The following GRM5 variants were observed in gnomAD, a reference collection of about 807,000 sequenced individuals.
GRM5 encodes the protein metabotropic glutamate receptor 5.
A neutral mutation model predicts 83.1 loss-of-function variants in GRM5; 19 were observed. The ratio of observed to expected loss-of-function variants is 0.23; its 90% CI spans 0.16 to 0.34. GRM5 has a LOEUF of 0.34. GRM5 is among the 10% of genes least tolerant of loss of function. The pLI is 1.00. For synonymous variants in GRM5, 675 were observed against 633.6 expected, an observed-to-expected ratio of 1.07 and a Z score of -0.98; for missense variants, 1,160 against 1,588.3, an observed-to-expected ratio of 0.73 and a Z score of 4.58.
chr11:88,777,612 G>A (rs1942884324), intron 3 of GRM5, among the ~76,000 whole-genome samples: 1 of 152,142 alleles, frequency 6.6e-6, no homozygotes, highest in Admixed American at 6.5e-5. Flanking sequence ...CCTACAGATG[G>A]GGTTTGGTGT....
chr11:88,774,935 G>A (rs1447731807), intron 3 of GRM5, among the ~76,000 whole-genome samples: 1 of 152,156 alleles, frequency 6.6e-6, no homozygotes, highest in Admixed American at 6.5e-5. Flanking sequence ...GCCAGGCTTT[G>A]GTATCAGGAT....
At chr11:88,825,523 C>T (rs1028876754) in intron 3 of GRM5, among the ~76,000 whole-genome samples, 7 of 152,102 alleles carry the variant, frequency 4.6e-5, no homozygotes, top group Non-Finnish European at 8.8e-5. Flanking sequence ...TTTTCTATGA[C>T]TTTTATCAAG....
intron 2 of GRM5, among the ~76,000 whole-genome samples, chr11:88,939,547 C>T (rs1938015149): frequency 6.6e-6 from 1 of 151,736 alleles, no homozygotes; most frequent in African/African-American, 2.4e-5. Context: ...CTCACTTGGC[C>T]TTTTAACGAT....
Position 88,509,332 on chromosome 11 carries a change from C to A in GRM5, c.2899G>T (p.Ala967Ser), listed in dbSNP as rs901648577. 1 of 1,600,956 alleles carries A rather than the reference C, an allele frequency of 6.2e-7. No homozygotes were observed. The highest frequency in any genetic ancestry group is 1.7e-5 in the Admixed American group (1 of 58,946). ...CCCACGCCCCCAGCGCTCCCGCCTGCGCCAGCGCCAGCGCCCAGGCCACGG... is the reference window on the plus strand; with the variant it reads ...CCCACGCCCCCAGCGCTCCCGCCTGAGCCAGCGCCAGCGCCCAGGCCACGG... ...ESRGLGAGAGAGGSAGGVGAT... is the reference protein window; with the variant it reads ...ESRGLGAGAGSGGSAGGVGAT... Residue 967 changes from alanine (A) to serine (S), a missense_variant, in exon 10 of 10, where the codon GCA becomes TCA. Transcript: ENST00000305447.
intron 7 of GRM5, among the ~76,000 whole-genome samples, chr11:88,570,571 A>ATATATATATATATATATATATTTTTTTT (rs1405339448): frequency 6.5e-5 from 3 of 46,374 alleles, no homozygotes; most frequent in African/African-American, 2.7e-4. Context: ...ATATATATAT[A>ATATATATATATATATATATATTTTTTTT]TTTTTTTTTT....
chr11:88,784,630 C>T (rs758177827), intron 3 of GRM5, among the ~76,000 whole-genome samples: 10 of 151,984 alleles, frequency 6.6e-5, no homozygotes, highest in Admixed American at 1.3e-4. Flanking sequence ...TCTATCCCTT[C>T]CCATTCTATT....
At chr11:88,660,563 A>C (rs1939879649) in intron 3 of GRM5, among the ~76,000 whole-genome samples, 7 of 152,182 alleles carry the variant, frequency 4.6e-5, no homozygotes, top group Admixed American at 4.6e-4. Context: ...AAAATGTTGG[A>C]ATCTGAATGA....
At chr11:88,746,728 G>T (rs956738601) in intron 3 of GRM5, among the ~76,000 whole-genome samples, 1 of 152,072 alleles carries the variant, frequency 6.6e-6, no homozygotes, top group Non-Finnish European at 1.5e-5. Context: ...CTGTTAATAT[G>T]CTAGAATAGC....
intron 9 of GRM5, among the ~76,000 whole-genome samples, chr11:88,512,914 C>G (rs1941417953): frequency 6.6e-6 from 1 of 152,132 alleles, no homozygotes; most frequent in South Asian, 2.1e-4. Context: ...AGCCATAAAA[C>G]CTTTCAGGTT....
At chr11:88,736,696 A>T (rs1456433626) in intron 3 of GRM5, among the ~76,000 whole-genome samples, 1 of 151,996 alleles carries the variant, frequency 6.6e-6, no homozygotes, top group African/African-American at 2.4e-5. Context: ...ATGGGAATTG[A>T]AGGGGATTCT....
chr11:88,962,308 C>A (rs983380191), intron 2 of GRM5, among the ~76,000 whole-genome samples: 4 of 152,174 alleles, frequency 2.6e-5, no homozygotes, highest in Non-Finnish European at 5.9e-5. Context: ...TCCACACACT[C>A]ATTTGTTCTT....
chr11:89,034,846 T>TC (rs5793380), intron 2 of GRM5, among the ~76,000 whole-genome samples: 1 of 45,804 alleles, frequency 2.2e-5, no homozygotes, highest in Non-Finnish European at 6.7e-5. Context: ...CCTCAAATCC[T>TC]TTTTTTTTTT....
intron 3 of GRM5, among the ~76,000 whole-genome samples, chr11:88,795,474 T>C (rs946568302): frequency 6.6e-6 from 1 of 152,182 alleles, no homozygotes; most frequent in Non-Finnish European, 1.5e-5. Flanking sequence ...GATCATATAC[T>C]AGGGAAGGGC....
intron 3 of GRM5, among the ~76,000 whole-genome samples, chr11:88,674,772 T>C (rs1171684295): frequency 6.6e-6 from 1 of 151,896 alleles, no homozygotes; most frequent in East Asian, 1.9e-4. Context: ...TATCTCTCAC[T>C]TGAATTAGGT....
At chr11:88,842,339 T>C (rs1305721948) in intron 3 of GRM5, among the ~76,000 whole-genome samples, 1 of 152,190 alleles carries the variant, frequency 6.6e-6, no homozygotes, top group Non-Finnish European at 1.5e-5. Context: ...ACTCATGTTG[T>C]TCAAGGGTGA....
At chr11:88,730,940 CA>C (rs1447715694) in intron 3 of GRM5, among the ~76,000 whole-genome samples, 2 of 152,028 alleles carry the variant, frequency 1.3e-5, no homozygotes, top group Non-Finnish European at 2.9e-5. Flanking sequence ...ATGGGTGCAA[CA>C]AACCACCATG....
chr11:88,938,767 G>A (rs963481434), intron 2 of GRM5, among the ~76,000 whole-genome samples: 10 of 151,386 alleles, frequency 6.6e-5, no homozygotes, highest in South Asian at 2.1e-4. Context: ...TTTTTTTAAC[G>A]AATATTAAAA....
At chr11:89,051,074 A>G (rs2135156481) in intron 1 of GRM5, among the ~76,000 whole-genome samples, 1 of 152,186 alleles carries the variant, frequency 6.6e-6, no homozygotes, top group Non-Finnish European at 1.5e-5. Flanking sequence ...ACAAACCTGC[A>G]CATGTGCCCC....
intron 2 of GRM5, among the ~76,000 whole-genome samples, chr11:88,987,426 T>C (rs7482675): frequency 0.6 from 88,034 of 147,470 alleles, 27,068 homozygotes; most frequent in African/African-American, 0.8. Context: ...GGCAGCGAGG[T>C]TGGGGGAGGG....
Sources: gnomAD v4.1 joint callset for allele counts (sites outside exome capture counted in the v4.1 genomes callset) on GRCh38, gnomAD v4.1.1 for gene constraint, MANE v1.5 for transcripts, NCBI Gene and HGNC (gene_info 2026-07-23, HGNC 2026-07-21) for gene names.